CAMK2D: variants seen among roughly 807,000 people sequenced by gnomAD.
The protein encoded by CAMK2D is calcium/calmodulin dependent protein kinase II delta.
Under a neutral mutation model 84.0 loss-of-function variants are expected in CAMK2D, and 37 were observed. That is an observed-to-expected ratio of 0.44 (90% CI 0.34 to 0.58). The LOEUF (loss-of-function observed/expected upper bound fraction) is 0.58, where lower values mean the gene tolerates loss of function less well. Ranked by LOEUF, CAMK2D falls within the 20% of genes least tolerant of loss-of-function variation. The pLI, the probability that CAMK2D is intolerant of heterozygous loss-of-function variation, is 0.02. For missense variants in CAMK2D, 448 were observed against 652.5 expected (o/e 0.69, Z 3.41); for synonymous variants, 202 against 212.5 (o/e 0.95, Z 0.43).
intron 2 of CAMK2D, among the ~76,000 whole-genome samples, chr4:113,692,434 A>G (rs1323488580): frequency 6.6e-6 from 1 of 152,170 alleles, no homozygotes; most frequent in African/African-American, 2.4e-5. Context: ...ACATACATGC[A>G]CAAAATATTT....
chr4:113,468,189 G>T (rs1387182999), intron 16 of CAMK2D, among the ~76,000 whole-genome samples: 1 of 152,110 alleles, frequency 6.6e-6, no homozygotes, highest in Non-Finnish European at 1.5e-5. Context: ...TTTACTTTCT[G>T]AACCACTGTG....
chr4:113,575,854 T>C (rs569158604), intron 4 of CAMK2D, among the ~76,000 whole-genome samples: 2 of 152,336 alleles, frequency 1.3e-5, no homozygotes, highest in Non-Finnish European at 2.9e-5. Context: ...CCTCAGTGAA[T>C]ATATTTGTTG....
intron 2 of CAMK2D, among the ~76,000 whole-genome samples, chr4:113,740,303 A>G (rs901287860): frequency 6.6e-6 from 1 of 152,196 alleles, no homozygotes; most frequent in Admixed American, 6.5e-5. Context: ...GTATACCCAT[A>G]TAATGAAATA....
At chr4:113,690,477 G>C (rs1173563182) in intron 2 of CAMK2D, among the ~76,000 whole-genome samples, 1 of 152,180 alleles carries the variant, frequency 6.6e-6, no homozygotes, top group Non-Finnish European at 1.5e-5. Context: ...TTCCTACACT[G>C]ATCTTTAGTC....
Position 113,665,479 on chromosome 4 carries a change from A to G in CAMK2D, c.161-3707T>C, listed in dbSNP as rs2099253780. On this transcript the variant is annotated intron_variant, in intron 2 of 20. Transcript: ENST00000511664. ...ATGGATTACTTTTAAAGTCTCCTTT[A>G]CTTTTAATTCTGTCAGCAACAAAAA... 2.0e-5 allele frequency among the ~76,000 whole-genome samples: 3 copies of G among 152,194 alleles called. No homozygotes were observed. In the South Asian group the frequency reaches 6.2e-4, roughly 32 times the overall value.
rs142673423 is a variant in CAMK2D, at chr4:113,539,610, A to G, written c.415-2167T>C. 7.1e-4 allele frequency among the ~76,000 whole-genome samples: 108 copies of G among 152,318 alleles called. No individual in the cohort carries two copies. In the Middle Eastern group the frequency reaches 0.01, roughly 14 times the overall value. On this transcript the variant is annotated intron_variant, in intron 6 of 20. Transcript: ENST00000511664. ...TGCATATCCTCTGAATGACTGGGGC[A>G]AATACTCATAACTAACGAAGACCTC...
chr4:113,563,409 C>CA (rs1248969667), intron 4 of CAMK2D, among the ~76,000 whole-genome samples: 2 of 152,098 alleles, frequency 1.3e-5, no homozygotes, highest in Non-Finnish European at 2.9e-5. Context: ...GGTTTTCTTT[C>CA]ATTGAGAGCT....
At chr4:113,635,589 T>C (rs1376140567) in intron 3 of CAMK2D, among the ~76,000 whole-genome samples, 55 of 152,198 alleles carry the variant, frequency 3.6e-4, no homozygotes, top group Admixed American at 3.6e-3. Context: ...GCTGGTACTT[T>C]CAAACTAGTC....
intron 3 of CAMK2D, among the ~76,000 whole-genome samples, chr4:113,624,221 T>C (rs1471177073): frequency 6.6e-6 from 1 of 152,178 alleles, no homozygotes; most frequent in Non-Finnish European, 1.5e-5. Context: ...TCCTAAGATT[T>C]GATATGTAAC....
chr4:113,524,435 TG>T (rs1160058863), intron 8 of CAMK2D, among the ~76,000 whole-genome samples: 1 of 152,214 alleles, frequency 6.6e-6, no homozygotes, highest in Non-Finnish European at 1.5e-5. Context: ...ATAATGTCCT[TG>T]GGGTTCATCC....
intron 3 of CAMK2D, among the ~76,000 whole-genome samples, chr4:113,628,010 C>T (rs1365567115): frequency 1.3e-5 from 2 of 152,106 alleles, no homozygotes; most frequent in East Asian, 3.9e-4. Flanking sequence ...GGCTCTTAGC[C>T]CTTTAATTAT....
chr4:113,579,606 C>T (rs1482962177), intron 4 of CAMK2D, among the ~76,000 whole-genome samples: 2 of 152,140 alleles, frequency 1.3e-5, no homozygotes, highest in Admixed American at 6.5e-5. Context: ...TGTGACACTG[C>T]CTGCTCTCCC....
At chr4:113,687,708 G>A (rs2099364031) in intron 2 of CAMK2D, among the ~76,000 whole-genome samples, 1 of 152,212 alleles carries the variant, frequency 6.6e-6, no homozygotes, top group South Asian at 2.1e-4. Flanking sequence ...CCAACCACCA[G>A]TTGAAAATGG....
At chr4:113,484,817 C>T (rs1564544213) in intron 16 of CAMK2D, among the ~76,000 whole-genome samples, 1 of 152,138 alleles carries the variant, frequency 6.6e-6, no homozygotes, top group Non-Finnish European at 1.5e-5. Context: ...TTTAGGACCT[C>T]ATACCTGATC....
chr4:113,455,877 AG>A (rs1305262064), intron 19 of CAMK2D, 56 bp from the exon 20 acceptor site: 2 of 1,034,668 alleles, frequency 1.9e-6, no homozygotes, highest in Admixed American at 1.7e-5. Context: ...TTTCTTGAAT[AG>A]GCTTCATCCC....
intron 2 of CAMK2D, among the ~76,000 whole-genome samples, chr4:113,748,830 GAATA>G (rs1410143157): frequency 6.6e-6 from 1 of 151,722 alleles, no homozygotes; most frequent in Non-Finnish European, 1.5e-5. Flanking sequence ...TCTGTAATTA[GAATA>G]TATATATTTT....
intron 2 of CAMK2D, among the ~76,000 whole-genome samples, chr4:113,680,854 T>C (rs2099343392): frequency 6.6e-6 from 1 of 152,230 alleles, no homozygotes; most frequent in African/African-American, 2.4e-5. Context: ...GTCTGATTTA[T>C]GGAACACCTT....
chr4:113,460,245 TA>T lies in CAMK2D; in HGVS notation c.1212-5del. On this transcript the variant is annotated splice_polypyrimidine_tract_variant and splice_region_variant and intron_variant, in intron 17 of 20. Transcript: ENST00000511664. ...AAGGCCTGGGTCACAGATTTTTCTGTAAAAGAAAAATAATGAAAACAACCAA... is the reference window on the plus strand; with the variant it reads ...AAGGCCTGGGTCACAGATTTTTCTGTAAAGAAAAATAATGAAAACAACCAA... 1 of 1,546,256 alleles carries T rather than the reference TA, an allele frequency of 6.5e-7. No homozygotes were observed. The highest frequency in any genetic ancestry group is 8.9e-7 in the Non-Finnish European group (1 of 1,124,194).
intron 7 of CAMK2D, among the ~76,000 whole-genome samples, chr4:113,535,350 C>G (rs35132791): frequency 0.27 from 41,554 of 152,008 alleles, 6,126 homozygotes; most frequent in African/African-American, 0.38. Flanking sequence ...TGCTCCTACA[C>G]CCTCCCTAGT....
Sources: gnomAD v4.1 joint callset for allele counts (sites outside exome capture counted in the v4.1 genomes callset) on GRCh38, gnomAD v4.1.1 for gene constraint, MANE v1.5 for transcripts, NCBI Gene and HGNC (gene_info 2026-07-23, HGNC 2026-07-21) for gene names.